The following PTPRN2 variants were observed in gnomAD, a reference collection of about 807,000 sequenced individuals.
The protein encoded by PTPRN2 is protein tyrosine phosphatase receptor type N2, also known as receptor-type tyrosine-protein phosphatase N2.
Under a neutral mutation model 118.8 loss-of-function variants are expected in PTPRN2, and 74 were observed. That is an observed-to-expected ratio of 0.62 (90% CI 0.52 to 0.76). The LOEUF (loss-of-function observed/expected upper bound fraction) is 0.76. PTPRN2 is among the 30% of genes least tolerant of loss of function. The pLI, the probability that PTPRN2 is intolerant of heterozygous loss-of-function variation, is 0.00. For synonymous variants in PTPRN2, 641 were observed against 608.0 expected (o/e 1.05, Z -0.80); for missense variants, 1,481 against 1,394.4 (o/e 1.06, Z -0.99).
intron 5 of PTPRN2, among the ~76,000 whole-genome samples, chr7:158,180,283 G>T (rs1416392933): frequency 4.6e-5 from 7 of 152,224 alleles, no homozygotes; most frequent in African/African-American, 7.2e-5. Flanking sequence ...TCAGTTGGTT[G>T]TAAGTGTTTG....
At chr7:158,071,383 T>TTGTGGTGATGGAGGTG (rs1811547646) in intron 11 of PTPRN2, among the ~76,000 whole-genome samples, 6 of 94,800 alleles carry the variant, frequency 6.3e-5, no homozygotes, top group South Asian at 4.0e-4. Flanking sequence ...GTGGAGGTGC[T>TTGTGGTGATGGAGGTG]CGTGGTGGAG....
rs576300360 is a variant in PTPRN2 at position 158,421,363 on chromosome 7, G to A, written c.163+68372C>T. Among the ~76,000 whole-genome samples the A allele has an allele frequency of 4.5e-4, 69 of 152,312 alleles. 1 individual carries two copies. Among genetic ancestry groups the A allele is most frequent in the Admixed American group, 4.1e-3 (62 of 15,296 alleles). On this transcript the variant is annotated intron_variant, in intron 2 of 22. Transcript: ENST00000389418. ...AGTTTTCCTATTTATTTTAAAGTTG[G>A]GGTGACAAGCACTGGGTTTTTGAAC...
At chr7:158,204,003 G>A (rs1394461204) in intron 4 of PTPRN2, among the ~76,000 whole-genome samples, 2 of 149,798 alleles carry the variant, frequency 1.3e-5, no homozygotes, top group Admixed American at 1.3e-4. Context: ...ATGTTCTGGG[G>A]AAAGACGCAG....
At chr7:158,394,023 T>C (rs912213481) in intron 2 of PTPRN2, among the ~76,000 whole-genome samples, 1 of 142,956 alleles carries the variant, frequency 7.0e-6, no homozygotes, top group African/African-American at 2.6e-5. Flanking sequence ...CCCACCCCCA[T>C]GGACACCTCG....
intron 12 of PTPRN2, among the ~76,000 whole-genome samples, chr7:157,711,597 C>T (rs1409172297): frequency 1.3e-5 from 2 of 152,186 alleles, no homozygotes; most frequent in Non-Finnish European, 2.9e-5. Context: ...GCCCACCTGA[C>T]CCCGGCAGAC....
At chr7:158,149,851 A>G (rs995761283) in intron 6 of PTPRN2, among the ~76,000 whole-genome samples, 3 of 152,164 alleles carry the variant, frequency 2.0e-5, no homozygotes, top group Non-Finnish European at 2.9e-5. Flanking sequence ...GAAAAAACAA[A>G]AAAATTACTG....
chr7:158,312,580 C>T (rs1801922849), intron 3 of PTPRN2, among the ~76,000 whole-genome samples: 1 of 150,928 alleles, frequency 6.6e-6, no homozygotes, highest in South Asian at 2.1e-4. Context: ...CCTCCCTACT[C>T]AAACACTCCC....
intron 9 of PTPRN2, among the ~76,000 whole-genome samples, chr7:158,113,573 G>T (rs900523671): frequency 1.3e-5 from 2 of 152,144 alleles, no homozygotes; most frequent in African/African-American, 4.8e-5. Flanking sequence ...CTTGGGGAGA[G>T]GACCTCAGCA....
At chr7:158,077,613 G>A (rs532572720) in intron 11 of PTPRN2, among the ~76,000 whole-genome samples, 15 of 151,070 alleles carry the variant, frequency 9.9e-5, no homozygotes, top group Admixed American at 3.9e-4. Flanking sequence ...CGTGGCGCCC[G>A]AGAGGGAATG....
intron 2 of PTPRN2, among the ~76,000 whole-genome samples, chr7:158,411,377 C>T (rs1285437895): frequency 6.6e-6 from 1 of 152,190 alleles, no homozygotes; most frequent in East Asian, 1.9e-4. Flanking sequence ...GCACTGCTGC[C>T]CCTGCTGGGT....
intron 11 of PTPRN2, among the ~76,000 whole-genome samples, chr7:157,933,203 T>C (rs1231868852): frequency 2.2e-5 from 3 of 134,214 alleles, no homozygotes; most frequent in African/African-American, 5.6e-5. Flanking sequence ...TGATTGACAG[T>C]TTTAGAGGAA....
In PTPRN2 at chr7:158,093,163, C is replaced by T. The variant is rs1306502942; in HGVS notation, c.1644-11786G>A. Among the ~76,000 whole-genome samples, 1 of 148,770 alleles carries T rather than the reference C, an allele frequency of 6.7e-6. No homozygotes were observed. The highest frequency in any genetic ancestry group is 2.6e-5 in the African/African-American group (1 of 38,582). Reference sequence around the variant, plus strand: ...GACTCTGCCGCTGGACCGACCCCCACACCATAGACCCACACGCAGGCCTGC... The same window carrying T: ...GACTCTGCCGCTGGACCGACCCCCATACCATAGACCCACACGCAGGCCTGC... On this transcript the variant is annotated intron_variant, in intron 10 of 22. Coordinates refer to ENST00000389418, the MANE Select transcript of PTPRN2 (RefSeq NM_002847.5). The surrounding 1 kb of genome is among the most constrained non-coding windows in gnomAD (Gnocchi z 4.4).
In PTPRN2 at chr7:158,226,772, G is replaced by T. The variant is rs548964670; in HGVS notation, c.278-21499C>A. On this transcript the variant is annotated intron_variant, in intron 3 of 22. Transcript: ENST00000389418. Reference sequence around the variant, plus strand: ...ACAACACAGCACTTACCCTAATCGCGTGGGAGCCTCTCACGTATCACTGTG... The same window carrying T: ...ACAACACAGCACTTACCCTAATCGCTTGGGAGCCTCTCACGTATCACTGTG... Among the ~76,000 whole-genome samples, 11 of 151,598 alleles carry T rather than the reference G, an allele frequency of 7.3e-5. No individual in the cohort carries two copies. In the South Asian group the frequency reaches 2.3e-3, roughly 32 times the overall value.
intron 12 of PTPRN2, among the ~76,000 whole-genome samples, chr7:157,719,415 G>T (rs112631130): frequency 2.6e-5 from 4 of 152,244 alleles, no homozygotes; most frequent in Non-Finnish European, 5.9e-5. Context: ...CAGCACTGCC[G>T]TCATGCGCTC....
chr7:157,642,595 A>C (rs1216847730), intron 14 of PTPRN2, among the ~76,000 whole-genome samples: 1 of 152,122 alleles, frequency 6.6e-6, no homozygotes, highest in Non-Finnish European at 1.5e-5. Flanking sequence ...GGTGCTCAGA[A>C]AACGCTGCAC....
At chr7:157,876,854 C>A (rs116454927) in intron 12 of PTPRN2, among the ~76,000 whole-genome samples, 3,862 of 152,314 alleles carry the variant, frequency 0.025, 155 homozygotes, top group African/African-American at 0.087. Context: ...GCCGGGGGAG[C>A]CTCTGGGAGC....
intron 1 of PTPRN2, among the ~76,000 whole-genome samples, chr7:158,498,208 A>T (rs965800121): frequency 7.2e-5 from 11 of 152,364 alleles, no homozygotes; most frequent in Middle Eastern, 3.4e-3. Context: ...TCCCACAGAA[A>T]AAGAACCAGC....
rs1814417025 is a variant in PTPRN2, at chr7:158,093,917, A to G, written c.1644-12540T>C. On this transcript the variant is annotated intron_variant, in intron 10 of 22. Transcript: ENST00000389418. This position sits in a 1 kb window ranked among gnomAD's most constrained non-coding sequence, Gnocchi z 4.4. ...ACATCATGCAAGCCTTAATGAAAAC[A>G]TAATTATTAATGATGCTTTATTTTC... 6.6e-6 allele frequency among the ~76,000 whole-genome samples: 1 copy of G among 152,204 alleles called. No individual in the cohort carries two copies. Among genetic ancestry groups the G allele is most frequent in the African/African-American group, 2.4e-5 (1 of 41,446 alleles).
At chr7:157,870,084 G>A (rs145500572) in intron 12 of PTPRN2, among the ~76,000 whole-genome samples, 9 of 152,242 alleles carry the variant, frequency 5.9e-5, no homozygotes, top group Admixed American at 2.0e-4. Context: ...TCTTGATTCC[G>A]CTGTTAAAAA....
Sources: allele counts gnomAD v4.1 joint callset (sites outside exome capture counted in the v4.1 genomes callset), GRCh38; gene constraint gnomAD v4.1.1; non-coding constraint Gnocchi (gnomAD v3.1); transcripts MANE v1.5; gene names NCBI Gene and HGNC (gene_info 2026-07-23, HGNC 2026-07-21).